The following ABCC9 variants were observed in gnomAD, a reference collection of about 807,000 sequenced individuals.
ABCC9 encodes ATP binding cassette subfamily C member 9.
A neutral mutation model predicts 188.3 loss-of-function variants in ABCC9; 95 were observed. That is an observed-to-expected ratio of 0.50 (90% CI 0.43 to 0.60). The LOEUF (loss-of-function observed/expected upper bound fraction) is 0.60. ABCC9 is among the 20% of genes least tolerant of loss of function. The pLI is 0.00. For missense variants in ABCC9, 1,102 were observed against 1,876.3 expected (o/e 0.59, Z 7.62); for synonymous variants, 659 against 652.7 (o/e 1.01, Z -0.15).
At chr12:21,864,529 CA>C (rs745856072) in intron 18 of ABCC9, 52 bp from the exon 19 acceptor site, 7 of 1,257,104 alleles carry the variant, frequency 5.6e-6, no homozygotes, top group Admixed American at 5.1e-5. Flanking sequence ...AATATAGAAC[CA>C]ATGTGCATAC....
intron 12 of ABCC9, among the ~76,000 whole-genome samples, chr12:21,899,964 G>C (rs1277507473): frequency 6.6e-6 from 1 of 152,204 alleles, no homozygotes; most frequent in East Asian, 1.9e-4. Context: ...AGAGAGTAGT[G>C]GTTCTCCTAG....
At chr12:21,820,616 T>C (rs1475126959) in intron 31 of ABCC9, among the ~76,000 whole-genome samples, 1 of 152,132 alleles carries the variant, frequency 6.6e-6, no homozygotes, top group Non-Finnish European at 1.5e-5. Context: ...CTGAGATTAC[T>C]TTCCTGCTCC....
At chr12:21,830,201 A>G (rs1434022844) in intron 30 of ABCC9, among the ~76,000 whole-genome samples, 1 of 152,254 alleles carries the variant, frequency 6.6e-6, no homozygotes, top group African/African-American at 2.4e-5. Context: ...ATCTGAGCCA[A>G]TATCTCAAAG....
chr12:21,931,099 C>A (rs1358521796), intron 4 of ABCC9, among the ~76,000 whole-genome samples: 1 of 151,930 alleles, frequency 6.6e-6, no homozygotes, highest in Non-Finnish European at 1.5e-5. Flanking sequence ...GTGTTCCCAC[C>A]CTAAATCTCA....
chr12:21,935,113 C>A (rs1343093455), intron 3 of ABCC9, among the ~76,000 whole-genome samples: 1 of 152,076 alleles, frequency 6.6e-6, no homozygotes, highest in Non-Finnish European at 1.5e-5. Context: ...TATTCAAATA[C>A]CCTGGTGCCA....
rs1347565368 is a variant in ABCC9, at chr12:21,910,323, A to C, written c.1165-11T>G. The C allele has an allele frequency of 1.3e-6, 2 of 1,586,716 alleles. No individual in the cohort carries two copies. Among genetic ancestry groups the C allele is most frequent in the Non-Finnish European group, 1.7e-6 (2 of 1,168,438 alleles). On this transcript the variant is annotated splice_polypyrimidine_tract_variant and intron_variant, in intron 9 of 39. Coordinates refer to ENST00000261200, the MANE Select transcript of ABCC9 (RefSeq NM_020297.4). ...ATTATAAATCATGGCCTACCAAAAA[A>C]AAAAAAAAGAGTACATAAAGCTCTA...
rs201226082 is a variant in ABCC9, at chr12:21,864,490, C to T, written c.2199-13G>A. Reference sequence around the variant, plus strand: ...AGATTCATTTACACTGCAAGTATGGCAAACAATGTTCATTAATTATGAAGT... The same window carrying T: ...AGATTCATTTACACTGCAAGTATGGTAAACAATGTTCATTAATTATGAAGT... On this transcript the variant is annotated splice_polypyrimidine_tract_variant and intron_variant, in intron 18 of 39. Coordinates refer to ENST00000261200, the MANE Select transcript of ABCC9 (RefSeq NM_020297.4). The T allele has an allele frequency of 9.6e-5, 151 of 1,567,680 alleles. No homozygotes were observed. In the African/African-American group the frequency reaches 1.8e-3, roughly 19 times the overall value.
chr12:21,907,073 G>A (rs1447288391), intron 11 of ABCC9, among the ~76,000 whole-genome samples: 2 of 152,066 alleles, frequency 1.3e-5, no homozygotes, highest in Admixed American at 1.3e-4. Flanking sequence ...GTAGCAAACA[G>A]CCTGGTTTTT....
At chr12:21,939,298 C>G (rs1403178811) in intron 2 of ABCC9, among the ~76,000 whole-genome samples, 1 of 152,122 alleles carries the variant, frequency 6.6e-6, no homozygotes, top group Non-Finnish European at 1.5e-5. Context: ...TTCCCTTTAA[C>G]CCGTAGTCTC....
chr12:21,922,907 A>C (rs1307486791), intron 5 of ABCC9: 34 of 151,674 alleles, frequency 2.2e-4, no homozygotes, highest in Admixed American at 2.0e-3. Context: ...AGCAAGAGAA[A>C]ATGTTAGTCG....
At position 21,818,526 on chromosome 12, in the gene ABCC9, A is replaced by ATATG. The variant is rs1212715273; in HGVS notation, c.3670-276_3670-275insCATA. On this transcript the variant is annotated intron_variant, in intron 31 of 39. Transcript: ENST00000261200. ...TATATAACTATATAGATATATATATATGTGTGTGTGTGTGTGTGTGTGTGT... is the reference window on the plus strand; with the variant it reads ...TATATAACTATATAGATATATATATATATGTGTGTGTGTGTGTGTGTGTGTGTGT... Among the ~76,000 whole-genome samples, 133 of 136,446 alleles carry ATATG rather than the reference A, an allele frequency of 9.7e-4. 1 individual carries two copies. The Middle Eastern group carries it at 0.011, about 12-fold the overall frequency. 89.5% of individuals were successfully genotyped at this position (136,446 alleles called of 152,430 possible). A position where few individuals can be genotyped will look rare whatever the true frequency, so the allele number is the denominator to read the frequency against.
intron 2 of ABCC9, among the ~76,000 whole-genome samples, 173 bp from the exon 3 acceptor site, chr12:21,936,867 C>T (rs1035215331): frequency 6.6e-6 from 1 of 152,106 alleles, no homozygotes; most frequent in African/African-American, 2.4e-5. Context: ...TTATAAAATA[C>T]GTCCTATGAG....
chr12:21,925,394 T>G, intron 5 of ABCC9: 1 of 611,510 alleles, frequency 1.6e-6, no homozygotes, highest in Non-Finnish European at 3.0e-6. Context: ...AAGGCCGTGA[T>G]GTAATGGCAG....
chr12:21,866,318 A>C (rs956772386), intron 18 of ABCC9, among the ~76,000 whole-genome samples: 1 of 152,184 alleles, frequency 6.6e-6, no homozygotes, highest in Non-Finnish European at 1.5e-5. Flanking sequence ...TTCAATTTAG[A>C]AATATCACTG....
chr12:21,937,746 T>C (rs979141497), intron 2 of ABCC9, among the ~76,000 whole-genome samples: 1 of 152,172 alleles, frequency 6.6e-6, no homozygotes, highest in African/African-American at 2.4e-5. Flanking sequence ...TCTTTTACAA[T>C]GGAGGATACT....
chr12:21,870,936 T>G (rs879364960), intron 18 of ABCC9, among the ~76,000 whole-genome samples: 2 of 152,202 alleles, frequency 1.3e-5, no homozygotes, highest in Non-Finnish European at 2.9e-5. Flanking sequence ...CAATGATAAT[T>G]ATGAATGATA....
In ABCC9 at chr12:21,800,865, C is replaced by T; in HGVS notation, c.*179G>A. 1 of 671,820 alleles carries T rather than the reference C, an allele frequency of 1.5e-6. No individual in the cohort carries two copies. Among genetic ancestry groups the T allele is most frequent in the Non-Finnish European group, 2.5e-6 (1 of 401,694 alleles). The allele number at this position is 671,820 out of a possible 1,614,324, so 41.6% of individuals were successfully genotyped here. The stretch of plus-strand genomic sequence containing the variant: ...TCACTATAAAAACATCAATAATGAA[C>T]ATATTAAGCAATAATATCTTGAAAA... On this transcript the variant is annotated 3_prime_UTR_variant, in exon 40 of 40. Coordinates refer to ENST00000261200, the MANE Select transcript of ABCC9 (RefSeq NM_020297.4).
At chr12:21,871,368 GC>G (rs918785721) in intron 18 of ABCC9, among the ~76,000 whole-genome samples, 3 of 152,268 alleles carry the variant, frequency 2.0e-5, no homozygotes, top group African/African-American at 7.2e-5. Context: ...CAGTTGCAAG[GC>G]TATCTGCTAG....
At chr12:21,829,110 A>G in intron 30 of ABCC9, 50 bp from the exon 31 acceptor site, 2 of 1,359,668 alleles carry the variant, frequency 1.5e-6, no homozygotes, top group Non-Finnish European at 2.1e-6. Flanking sequence ...AGAGGTAATA[A>G]GAAACAGTCA....
Sources: allele counts gnomAD v4.1 joint callset (sites outside exome capture counted in the v4.1 genomes callset), GRCh38; gene constraint gnomAD v4.1.1; transcripts MANE v1.5; gene names NCBI Gene and HGNC (gene_info 2026-07-23, HGNC 2026-07-21).